GSTCD: variants seen among roughly 807,000 people sequenced by gnomAD.
GSTCD encodes the protein glutathione S-transferase C-terminal domain containing.
In GSTCD, 44 loss-of-function variants were observed where a neutral mutation model predicts 68.3. The observed-to-expected ratio is 0.64, with a 90% CI of 0.51 to 0.83. GSTCD has a LOEUF of 0.83. Ranked by LOEUF, GSTCD falls within the 40% of genes least tolerant of loss-of-function variation. The pLI is 0.00. For missense variants in GSTCD, 739 were observed against 735.9 expected (o/e 1.00, Z -0.05); for synonymous variants, 273 against 255.2 (o/e 1.07, Z -0.67).
intron 5 of GSTCD, among the ~76,000 whole-genome samples, chr4:105,743,140 C>T (rs571581066): frequency 2.1e-4 from 32 of 151,732 alleles, no homozygotes; most frequent in Admixed American, 1.4e-3. Context: ...TTAGTAGAGA[C>T]GGGGTTTCAC....
In GSTCD at chr4:105,717,863, A is replaced by G. The variant is rs749254698; in HGVS notation, c.250A>G (p.Ile84Val). The G allele has an allele frequency of 6.8e-6, 11 of 1,614,002 alleles. No homozygotes were observed. Among genetic ancestry groups the G allele is most frequent in the Admixed American group, 1.7e-5 (1 of 59,984 alleles). ...QIISRQELPP[I>V]VQNCCLPAVV... ...TATTTCAAGGCAGGAGCTCCCACCAATAGTCCAAAATTGCTGTTTGCCTGC... is the reference window on the plus strand; with the variant it reads ...TATTTCAAGGCAGGAGCTCCCACCAGTAGTCCAAAATTGCTGTTTGCCTGC... The change falls in exon 2 of 12, where the codon ATA becomes GTA. Residue 84 changes from isoleucine (I) to valine (V), a missense_variant. By Grantham distance (29) the Ile-to-Val change is conservative. Coordinates refer to ENST00000515279, the MANE Select transcript of GSTCD (RefSeq NM_001370181.1).
At chr4:105,790,288 A>G (rs1426989198) in intron 5 of GSTCD, among the ~76,000 whole-genome samples, 9 of 152,086 alleles carry the variant, frequency 5.9e-5, no homozygotes, top group Non-Finnish European at 1.2e-4. Flanking sequence ...ATGCTTTACA[A>G]ATCCTTACAT....
At chr4:105,770,820 C>T (rs988359248) in intron 5 of GSTCD, among the ~76,000 whole-genome samples, 1 of 152,094 alleles carries the variant, frequency 6.6e-6, no homozygotes, top group Non-Finnish European at 1.5e-5. Flanking sequence ...GTGAACAGTG[C>T]TGCAATAAAC....
At chr4:105,766,642 G>A (rs1279770345) in intron 5 of GSTCD, among the ~76,000 whole-genome samples, 1 of 152,028 alleles carries the variant, frequency 6.6e-6, no homozygotes, top group Non-Finnish European at 1.5e-5. Context: ...TAGATCATAG[G>A]ATATGAGTTT....
chr4:105,786,374 T>C (rs1293124121), intron 5 of GSTCD, among the ~76,000 whole-genome samples: 2 of 151,894 alleles, frequency 1.3e-5, no homozygotes, highest in Non-Finnish European at 2.9e-5. Context: ...TAGCCAAGTG[T>C]GGTGGCTCGC....
At chr4:105,734,305 C>T (rs1167754936) in intron 5 of GSTCD, among the ~76,000 whole-genome samples, 1 of 152,198 alleles carries the variant, frequency 6.6e-6, no homozygotes, top group African/African-American at 2.4e-5. Context: ...TCCATTCTCC[C>T]CGTCACTTTC....
At chr4:105,786,069 A>G (rs2080788) in intron 5 of GSTCD, among the ~76,000 whole-genome samples, 147,149 of 152,338 alleles carry the variant, frequency 0.97, 71,077 homozygotes, top group East Asian at 1. Flanking sequence ...GATCAAAGAT[A>G]TAAAGTAAAA....
rs201717832 is a variant in GSTCD, at chr4:105,735,842, G to GA, written c.1240+6353dup. Among the ~76,000 whole-genome samples the GA allele has an allele frequency of 1.0e-2, 1,476 of 147,654 alleles. 13 individuals carry two copies. The highest frequency in any genetic ancestry group is 0.016 in the Admixed American group (238 of 14,910). ...CTTGGAACTGCCCCTGACATATTTT[G>GA]AAAAAAAAAATTCCAGGTAACATGT... is the stretch of plus-strand genomic sequence containing the variant. On this transcript the variant is annotated intron_variant, in intron 5 of 11. Transcript: ENST00000515279.
intron 2 of GSTCD, 116 bp downstream of exon 2, chr4:105,718,155 CCCAGTAACCAATGAAATAAAGTAG>C: frequency 1.3e-6 from 1 of 788,350 alleles, no homozygotes; most frequent in Non-Finnish European, 1.9e-6. Flanking sequence ...TTTAAAAAAC[CCCAGTAACCAATGAAATAAAGTAG>C]CCCTTTGATA....
At chr4:105,741,946 A>T (rs1207410058) in intron 5 of GSTCD, among the ~76,000 whole-genome samples, 1 of 151,632 alleles carries the variant, frequency 6.6e-6, no homozygotes, top group Non-Finnish European at 1.5e-5. Flanking sequence ...TTGTGAAATA[A>T]AATTATGTAG....
At chr4:105,819,120 AAAC>A (rs1400403576) in intron 5 of GSTCD, among the ~76,000 whole-genome samples, 1 of 151,828 alleles carries the variant, frequency 6.6e-6, no homozygotes, top group Non-Finnish European at 1.5e-5. Flanking sequence ...ACAGAGAGGC[AAAC>A]AACAAGCAAT....
chr4:105,813,254 C>A (rs983798177), intron 5 of GSTCD, among the ~76,000 whole-genome samples: 1 of 152,076 alleles, frequency 6.6e-6, no homozygotes, highest in Non-Finnish European at 1.5e-5. Context: ...AGTGCTAATA[C>A]CAGCAAATAA....
chr4:105,738,325 G>A (rs767117503), intron 5 of GSTCD, among the ~76,000 whole-genome samples: 8 of 152,036 alleles, frequency 5.3e-5, no homozygotes, highest in Non-Finnish European at 1.0e-4. Context: ...GTTGTATGAG[G>A]CCTTCAGCTT....
At chr4:105,843,804 G>T (rs1214942510) in intron 11 of GSTCD, among the ~76,000 whole-genome samples, 3 of 149,738 alleles carry the variant, frequency 2.0e-5, no homozygotes, top group Non-Finnish European at 4.4e-5. Context: ...ATCCAATGAA[G>T]ACATAATTAG....
chr4:105,729,602 G>A (rs1296607932), intron 5 of GSTCD, 103 bp downstream of exon 5: 9 of 588,594 alleles, frequency 1.5e-5, no homozygotes, highest in Admixed American at 3.0e-5. Flanking sequence ...CTAATATTCT[G>A]ATTATACTAT....
At position 105,726,539 on chromosome 4, in the gene GSTCD, A is replaced by G. The variant is rs569278047; in HGVS notation, c.895-40A>G. 76 of 1,336,856 alleles carry G rather than the reference A, an allele frequency of 5.7e-5. No homozygotes were observed. The South Asian group carries it at 1.0e-3, about 18-fold the overall frequency. The allele number at this position is 1,336,856 out of a possible 1,614,324, so 82.8% of individuals were successfully genotyped here. The stretch of plus-strand genomic sequence containing the variant: ...TACCTCAACACAGCTATTATAAACA[A>G]AATATATATAATAATGTGTTTTATT... On this transcript the variant is annotated intron_variant, in intron 3 of 11. Coordinates refer to ENST00000515279, the MANE Select transcript of GSTCD (RefSeq NM_001370181.1).
At chr4:105,780,059 T>G (rs967529335) in intron 5 of GSTCD, among the ~76,000 whole-genome samples, 1 of 152,240 alleles carries the variant, frequency 6.6e-6, no homozygotes, top group Non-Finnish European at 1.5e-5. Flanking sequence ...TGTTTCATAT[T>G]GCTCCTTGCC....
chr4:105,735,748 A>G (rs1036368420), intron 5 of GSTCD, among the ~76,000 whole-genome samples: 6 of 150,836 alleles, frequency 4.0e-5, no homozygotes, highest in African/African-American at 1.2e-4. Flanking sequence ...TGCAGAAATC[A>G]CTCCGTGTGA....
At chr4:105,739,161 A>T (rs1242788338) in intron 5 of GSTCD, among the ~76,000 whole-genome samples, 1 of 152,204 alleles carries the variant, frequency 6.6e-6, no homozygotes, top group Non-Finnish European at 1.5e-5. Flanking sequence ...ATGTTGAATT[A>T]TCCTTATATT....
Sources: gnomAD v4.1 joint callset for allele counts (sites outside exome capture counted in the v4.1 genomes callset) on GRCh38, gnomAD v4.1.1 for gene constraint, MANE v1.5 for transcripts, NCBI Gene and HGNC (gene_info 2026-07-23, HGNC 2026-07-21) for gene names.